The following SYTL3 variants were observed in gnomAD, a reference collection of about 807,000 sequenced individuals.
The protein encoded by SYTL3 is synaptotagmin-like protein 3.
In SYTL3, 88 loss-of-function variants were observed where a neutral mutation model predicts 82.1. The ratio of observed to expected loss-of-function variants is 1.07; its 90% CI spans 0.90 to 1.28. SYTL3 has a LOEUF of 1.28. Among genes scored for constraint, SYTL3 ranks in the 50% most tolerant of loss-of-function variants. The probability of loss-of-function intolerance (pLI) is 0.00; values close to 1 mark genes in which losing one functional copy is unlikely to be tolerated. For synonymous variants in SYTL3, 311 were observed against 289.4 expected (o/e 1.07, Z -0.76); for missense variants, 831 against 757.6 (o/e 1.10, Z -1.14).
chr6:158,703,430 T>C (rs733202), intron 6 of SYTL3, among the ~76,000 whole-genome samples: 2,899 of 152,288 alleles, frequency 0.019, 97 homozygotes, highest in African/African-American at 0.066. Context: ...GGGATGCCTG[T>C]CTGTGAGCAT....
intron 2 of SYTL3, among the ~76,000 whole-genome samples, chr6:158,660,116 T>C (rs1333308643): frequency 1.3e-5 from 2 of 151,660 alleles, no homozygotes; most frequent in Non-Finnish European, 2.9e-5. Flanking sequence ...AATACAAAAA[T>C]TAGCCGGGCG....
chr6:158,672,227 G>A (rs969089118), intron 5 of SYTL3, among the ~76,000 whole-genome samples: 42 of 152,248 alleles, frequency 2.8e-4, no homozygotes, highest in Admixed American at 1.6e-3. Context: ...GGAGGCGGAG[G>A]TTGCAGTGAG....
At chr6:158,733,222 C>G (rs1194406914) in intron 11 of SYTL3, among the ~76,000 whole-genome samples, 1 of 152,226 alleles carries the variant, frequency 6.6e-6, no homozygotes, top group Non-Finnish European at 1.5e-5. Context: ...CAGGCACATA[C>G]AGCTCGCAGC....
chr6:158,657,695 T>C (rs1788855788), intron 2 of SYTL3, among the ~76,000 whole-genome samples: 1 of 152,144 alleles, frequency 6.6e-6, no homozygotes, highest in South Asian at 2.1e-4. Context: ...GATGTTTGCA[T>C]ACATCAAATC....
At chr6:158,692,257 C>CAAAAAAAAAAAAAA (rs571381475) in intron 6 of SYTL3, among the ~76,000 whole-genome samples, 1 of 32,186 alleles carries the variant, frequency 3.1e-5, no homozygotes, top group African/African-American at 8.9e-5. Context: ...GACTCCGTCT[C>CAAAAAAAAAAAAAA]AAAAAAAAAA....
chr6:158,681,633 G>A (rs1173454752), intron 5 of SYTL3, among the ~76,000 whole-genome samples: 4 of 152,120 alleles, frequency 2.6e-5, no homozygotes, highest in Non-Finnish European at 4.4e-5. Context: ...ACTTGAGATC[G>A]TGCCACTGCA....
At chr6:158,725,103 C>T (rs1045351725) in intron 10 of SYTL3, among the ~76,000 whole-genome samples, 8 of 150,094 alleles carry the variant, frequency 5.3e-5, no homozygotes, top group African/African-American at 1.7e-4. Context: ...TTTGATTTTT[C>T]CCTTTTTATA....
At chr6:158,686,955 C>T (rs752410718) in intron 6 of SYTL3, among the ~76,000 whole-genome samples, 3 of 152,100 alleles carry the variant, frequency 2.0e-5, no homozygotes, top group Non-Finnish European at 4.4e-5. Context: ...TGATGTGTTC[C>T]GGAAAAAGTG....
In SYTL3 at chr6:158,663,230, G is replaced by A. The variant is rs1398414391; in HGVS notation, c.-39G>A. The stretch of plus-strand genomic sequence containing the variant: ...GGCGTGAGCGCTTGGTCCATGCAGT[G>A]AAGCTCTTCCAACCTGGGTCAACGA... On this transcript the variant is annotated 5_prime_UTR_variant, in exon 4 of 18. An upstream open reading frame in the 5' UTR loses its in-frame stop. Transcript: ENST00000611299. 3.1e-6 allele frequency: 5 copies of A among 1,599,904 alleles called. No individual in the cohort carries two copies. The highest frequency in any genetic ancestry group is 4.3e-6 in the Non-Finnish European group (5 of 1,167,346).
upstream of SYTL3, among the ~76,000 whole-genome samples, chr6:158,648,184 T>C (rs1426067125): frequency 2.0e-5 from 3 of 152,074 alleles, no homozygotes; most frequent in Admixed American, 6.6e-5. Flanking sequence ...TCCCAGCTAC[T>C]TGGGAGGCTG....
chr6:158,650,460 C>T (rs1374093189), intron 1 of SYTL3, among the ~76,000 whole-genome samples: 5 of 151,584 alleles, frequency 3.3e-5, no homozygotes, highest in East Asian at 1.9e-4. Context: ...CTCTCTGAAT[C>T]GACTTTATTG....
At chr6:158,668,169 T>C (rs945516539) in intron 5 of SYTL3, among the ~76,000 whole-genome samples, 2 of 152,180 alleles carry the variant, frequency 1.3e-5, no homozygotes, top group African/African-American at 4.8e-5. Flanking sequence ...CAGGCCTCCT[T>C]CTGAATCTCC....
intron 5 of SYTL3, among the ~76,000 whole-genome samples, chr6:158,682,022 C>T (rs1207225960): frequency 2.0e-5 from 3 of 152,178 alleles, no homozygotes; most frequent in South Asian, 2.1e-4. Flanking sequence ...CTGCAACTTC[C>T]GTCTCCCAGG....
intron 11 of SYTL3, among the ~76,000 whole-genome samples, chr6:158,732,830 G>A (rs1323857329): frequency 6.6e-6 from 1 of 151,990 alleles, no homozygotes; most frequent in African/African-American, 2.4e-5. Flanking sequence ...AATTAAAGCA[G>A]TACTTATGCT....
intron 11 of SYTL3, among the ~76,000 whole-genome samples, chr6:158,741,289 G>A (rs552467750): frequency 5.9e-5 from 9 of 152,192 alleles, no homozygotes; most frequent in Non-Finnish European, 1.0e-4. Flanking sequence ...AGCTGGTCTC[G>A]AACTCCTGAC....
chr6:158,717,784 C>T (rs1453347153), intron 9 of SYTL3, among the ~76,000 whole-genome samples: 5 of 152,124 alleles, frequency 3.3e-5, no homozygotes, highest in South Asian at 2.1e-4. Context: ...TGACCTGGAA[C>T]GCAGAGGAGC....
chr6:158,645,471 T>C (rs1442842156), upstream of SYTL3, among the ~76,000 whole-genome samples: 2 of 152,160 alleles, frequency 1.3e-5, no homozygotes, highest in African/African-American at 4.8e-5. Flanking sequence ...AGTTTTGATT[T>C]TGGCGTTTGC....
At chr6:158,748,055 C>A (rs1411897938) in intron 12 of SYTL3, among the ~76,000 whole-genome samples, 1 of 147,556 alleles carries the variant, frequency 6.8e-6, no homozygotes, top group East Asian at 1.9e-4. Context: ...TAAATACGTT[C>A]TCTGGTTTCT....
intron 2 of SYTL3, 53 bp downstream of exon 2, chr6:158,651,895 T>C (rs1788060721): frequency 6.6e-6 from 1 of 151,384 alleles, no homozygotes; most frequent in East Asian, 1.9e-4. Flanking sequence ...TCTAATGTTT[T>C]ATTTATTTAT....
Sources: allele counts gnomAD v4.1 joint callset (sites outside exome capture counted in the v4.1 genomes callset), GRCh38; gene constraint gnomAD v4.1.1; transcripts MANE v1.5; gene names NCBI Gene and HGNC (gene_info 2026-07-23, HGNC 2026-07-21).